Variants in ENOPH1 observed in about 807,000 individuals in gnomAD.
ENOPH1 encodes enolase-phosphatase 1.
A neutral mutation model predicts 31.1 loss-of-function variants in ENOPH1; 14 were observed. The observed-to-expected ratio is 0.45, with a 90% CI of 0.30 to 0.70. The LOEUF is 0.70. Ranked by LOEUF, ENOPH1 falls within the 30% of genes least tolerant of loss-of-function variation. The probability of loss-of-function intolerance (pLI) is 0.09; values close to 1 mark genes in which losing one functional copy is unlikely to be tolerated. For synonymous variants in ENOPH1, 127 were observed against 123.2 expected (o/e 1.03, Z -0.21); for missense variants, 243 against 321.5 (o/e 0.76, Z 1.87).
At chr4:82,458,564 G>C (rs1246814267) in intron 5 of ENOPH1, among the ~76,000 whole-genome samples, 2 of 152,116 alleles carry the variant, frequency 1.3e-5, no homozygotes, top group African/African-American at 4.8e-5. Context: ...GTATGAAAAA[G>C]TGTCTCAGCA....
chr4:82,453,089 GA>G (rs1722395397), intron 3 of ENOPH1, among the ~76,000 whole-genome samples: 1 of 151,844 alleles, frequency 6.6e-6, no homozygotes, highest in African/African-American at 2.4e-5. Context: ...TTTTAGTAGA[GA>G]CAGTGTTTCA....
Position 82,451,130 on chromosome 4 carries a change from GC to G in ENOPH1, c.276del (p.Val93TrpfsTer2), listed in dbSNP as rs1458165129. ...GGATGATCTGCAACAGATGATCCAG[GC>G]CGTGGTAGATAATGTGTGCTGGCAG... ...GVDDLQQMIQ[A>X]VVDNVCWQMS... On this transcript the variant is annotated frameshift_variant, in exon 3 of 6. Transcript: ENST00000273920. LOFTEE classifies it high-confidence loss of function. 6.2e-7 allele frequency: 1 copy of G among 1,614,202 alleles called. No homozygotes were observed. The highest frequency in any genetic ancestry group is 2.2e-5 in the East Asian group (1 of 44,886).
chr4:82,446,875 T>C (rs1260503580), intron 1 of ENOPH1, among the ~76,000 whole-genome samples: 89 of 144,794 alleles, frequency 6.1e-4, no homozygotes, highest in African/African-American at 2.2e-3. Context: ...CCCGGCTAAT[T>C]TTTTGTATTT....
intron 2 of ENOPH1, among the ~76,000 whole-genome samples, chr4:82,448,242 TTTTG>T (rs1432805919): frequency 5.4e-5 from 8 of 147,454 alleles, no homozygotes; most frequent in African/African-American, 2.0e-4. Flanking sequence ...GGTTGTTTTT[TTTTG>T]TTTTGTTTTG....
intron 1 of ENOPH1, among the ~76,000 whole-genome samples, chr4:82,436,311 G>T (rs1013239841): frequency 6.6e-6 from 1 of 152,156 alleles, no homozygotes; most frequent in Non-Finnish European, 1.5e-5. Context: ...ATGGTAGTAC[G>T]TGAGAGGATT....
At chr4:82,450,394 T>C (rs1016564286) in intron 2 of ENOPH1, among the ~76,000 whole-genome samples, 1 of 152,250 alleles carries the variant, frequency 6.6e-6, no homozygotes, top group Non-Finnish European at 1.5e-5. Context: ...CTTTCAATGA[T>C]GTTAAATGAG....
chr4:82,447,042 A>T (rs181306292), intron 1 of ENOPH1, among the ~76,000 whole-genome samples: 4 of 149,656 alleles, frequency 2.7e-5, no homozygotes, highest in Admixed American at 1.3e-4. Flanking sequence ...CTGGAATACA[A>T]TGATGGGATC....
intron 1 of ENOPH1, among the ~76,000 whole-genome samples, chr4:82,440,999 C>T (rs1722024767): frequency 6.6e-6 from 1 of 152,192 alleles, no homozygotes; most frequent in Non-Finnish European, 1.5e-5. Flanking sequence ...TTGATAGCTC[C>T]TACTGTGGTC....
chr4:82,447,828 G>A (rs1014957371), intron 1 of ENOPH1, 92 bp from the exon 2 acceptor site: 4 of 649,014 alleles, frequency 6.2e-6, no homozygotes, highest in Non-Finnish European at 1.0e-5. Context: ...TGATTTATTT[G>A]TTACAGTTAT....
At chr4:82,431,501 T>C (rs545856641) in intron 1 of ENOPH1, among the ~76,000 whole-genome samples, 4 of 152,312 alleles carry the variant, frequency 2.6e-5, no homozygotes, top group African/African-American at 9.6e-5. Context: ...TTTTTTGAGC[T>C]ATAGGACACG....
chr4:82,445,901 G>A (rs934721232), intron 1 of ENOPH1, among the ~76,000 whole-genome samples: 4 of 152,156 alleles, frequency 2.6e-5, no homozygotes, highest in African/African-American at 9.7e-5. Context: ...GGCTGTTCTC[G>A]AACATTCAAT....
intron 1 of ENOPH1, among the ~76,000 whole-genome samples, chr4:82,433,212 C>T (rs906046740): frequency 6.6e-6 from 1 of 152,122 alleles, no homozygotes; most frequent in African/African-American, 2.4e-5. Flanking sequence ...TAAGAAACCT[C>T]ATACAAAATC....
intron 1 of ENOPH1, among the ~76,000 whole-genome samples, chr4:82,446,724 G>C (rs1198698983): frequency 8.4e-6 from 1 of 118,430 alleles, no homozygotes; most frequent in Non-Finnish European, 1.6e-5. Context: ...TTTTGAGACG[G>C]AGTCTCGCTC....
At position 82,430,665 on chromosome 4, in the gene ENOPH1, A is replaced by G. The variant is rs1051296528; in HGVS notation, c.-165A>G. 6.5e-6 allele frequency: 4 copies of G among 613,782 alleles called. No individual in the cohort carries two copies. Among genetic ancestry groups the G allele is most frequent in the Middle Eastern group, 4.2e-4 (1 of 2,380 alleles). 38.0% of individuals were successfully genotyped at this position (613,782 alleles called of 1,614,324 possible). The stretch of plus-strand genomic sequence containing the variant: ...CCGCCTTTTCCAGTTCCAGGTGTGC[A>G]GAAGTGTCCTCTCCCCACGCGCGGC... On this transcript the variant is annotated 5_prime_UTR_variant, in exon 1 of 6. Coordinates refer to ENST00000273920, the MANE Select transcript of ENOPH1 (RefSeq NM_021204.5).
chr4:82,459,360 G>A (rs536502487), intron 5 of ENOPH1, among the ~76,000 whole-genome samples: 63 of 152,020 alleles, frequency 4.1e-4, no homozygotes, highest in African/African-American at 1.4e-3. Flanking sequence ...GTGCGATCTC[G>A]GCTTGCTGCA....
chr4:82,430,756 G>C lies in ENOPH1; in HGVS notation c.-74G>C. ...GCCGGAAGCCCAAGACGGTACCGGGGGCCGCAGCCGCAGCCGGCGCCGCCC... is the reference window on the plus strand; with the variant it reads ...GCCGGAAGCCCAAGACGGTACCGGGCGCCGCAGCCGCAGCCGGCGCCGCCC... On this transcript the variant is annotated 5_prime_UTR_variant, in exon 1 of 6. Transcript: ENST00000273920. 3 of 1,450,816 alleles carry C rather than the reference G, an allele frequency of 2.1e-6. No individual in the cohort carries two copies. Among genetic ancestry groups the C allele is most frequent in the Non-Finnish European group, 2.9e-6 (3 of 1,035,660 alleles). The allele number at this position is 1,450,816 out of a possible 1,614,324, so 89.9% of individuals were successfully genotyped here. A position where few individuals can be genotyped will look rare whatever the true frequency, so the allele number is the denominator to read the frequency against.
At chr4:82,450,728 C>T (rs1394622583) in intron 2 of ENOPH1, among the ~76,000 whole-genome samples, 1 of 152,174 alleles carries the variant, frequency 6.6e-6, no homozygotes, top group Non-Finnish European at 1.5e-5. Context: ...GAGTTAAAGT[C>T]CTGGTTTGTT....
intron 5 of ENOPH1, among the ~76,000 whole-genome samples, chr4:82,459,766 A>G (rs552457922): frequency 3.0e-4 from 45 of 152,278 alleles, no homozygotes; most frequent in African/African-American, 1.0e-3. Context: ...ACAGTTACGT[A>G]TTTTTTAAAA....
At chr4:82,452,452 A>G (rs763511151) in intron 3 of ENOPH1, among the ~76,000 whole-genome samples, 3 of 151,586 alleles carry the variant, frequency 2.0e-5, no homozygotes, top group Non-Finnish European at 2.9e-5. Context: ...GCCTGCCACT[A>G]TGCTAATTTT....
Sources: allele counts gnomAD v4.1 joint callset (sites outside exome capture counted in the v4.1 genomes callset), GRCh38; gene constraint gnomAD v4.1.1; transcripts MANE v1.5; gene names NCBI Gene and HGNC (gene_info 2026-07-23, HGNC 2026-07-21).